ZNF274: variants seen among roughly 807,000 people sequenced by gnomAD.
The protein encoded by ZNF274 is zinc finger protein 274, also known as neurotrophin receptor-interacting factor homolog.
ZNF274 carries 23 observed loss-of-function variants against 42.5 expected under a neutral mutation model. The observed-to-expected ratio is 0.54, with a 90% CI of 0.39 to 0.77. The LOEUF (loss-of-function observed/expected upper bound fraction) is 0.77. Ranked by LOEUF, ZNF274 falls within the 30% of genes least tolerant of loss-of-function variation. The probability of loss-of-function intolerance (pLI) is 0.00; values close to 1 mark genes in which losing one functional copy is unlikely to be tolerated. For missense variants in ZNF274, 679 were observed against 806.5 expected (o/e 0.84, Z 1.91); for synonymous variants, 292 against 305.4 (o/e 0.96, Z 0.46).
Position 58,208,525 on chromosome 19 carries a change from C to T in ZNF274, c.739+1323C>T, listed in dbSNP as rs938336191. On this transcript the variant is annotated intron_variant, in intron 5 of 7. Coordinates refer to ENST00000617501, the MANE Select transcript of ZNF274 (RefSeq NM_133502.3). This position sits in a 1 kb window ranked among gnomAD's most constrained non-coding sequence, Gnocchi z 4.5. ...TGGATCTAACATAACCACAGGGGCCCTTAGGAGAGGGAGGCTGGAGGGTCA... is the reference window on the plus strand; with the variant it reads ...TGGATCTAACATAACCACAGGGGCCTTTAGGAGAGGGAGGCTGGAGGGTCA... 3.3e-5 allele frequency: 5 copies of T among 152,128 alleles called. No individual in the cohort carries two copies. Among genetic ancestry groups the T allele is most frequent in the Non-Finnish European group, 7.3e-5 (5 of 68,076 alleles). The allele number at this position is 152,128 out of a possible 1,614,324, so 9.4% of individuals were successfully genotyped here. A position where few individuals can be genotyped will look rare whatever the true frequency, so the allele number is the denominator to read the frequency against.
chr19:58,212,250 TC>T lies in ZNF274; in HGVS notation c.1071del (p.Ser358GlnfsTer10). ...EPAPSLKVQE[S>X]SRDCALSSTL... Reference sequence around the variant, plus strand: ...AGCCCCCAGCCTGAAAGTACAAGAATCCTCAAGGGATTGTGCCTTGTCCTCT... The same window carrying T: ...AGCCCCCAGCCTGAAAGTACAAGAATCTCAAGGGATTGTGCCTTGTCCTCT... On this transcript the variant is annotated frameshift_variant, in exon 8 of 8. Coordinates refer to ENST00000617501, the MANE Select transcript of ZNF274 (RefSeq NM_133502.3). LOFTEE classifies it low-confidence loss of function (END_TRUNC). The surrounding 1 kb of genome is among the most constrained non-coding windows in gnomAD (Gnocchi z 4.6). 6.2e-7 allele frequency: 1 copy of T among 1,613,860 alleles called. No individual in the cohort carries two copies. Among genetic ancestry groups the T allele is most frequent in the Middle Eastern group, 1.6e-4 (1 of 6,062 alleles).
rs2076005458 is a variant in ZNF274 at position 58,208,676 on chromosome 19, G to C, written c.740-1285G>C. 2 of 152,352 alleles carry C rather than the reference G, an allele frequency of 1.3e-5. No individual in the cohort carries two copies. Among genetic ancestry groups the C allele is most frequent in the South Asian group, 4.1e-4 (2 of 4,828 alleles). The allele number at this position is 152,352 out of a possible 1,614,324, so 9.4% of individuals were successfully genotyped here. On this transcript the variant is annotated intron_variant, in intron 5 of 7. Transcript: ENST00000617501. This position sits in a 1 kb window ranked among gnomAD's most constrained non-coding sequence, Gnocchi z 4.5. ...CCTTGGAGCCTCCAAAAGGAACATAGCCATGCTGACACCTTCATTTTAGCC... is the reference window on the plus strand; with the variant it reads ...CCTTGGAGCCTCCAAAAGGAACATACCCATGCTGACACCTTCATTTTAGCC...
In ZNF274 at chr19:58,183,128, G is replaced by A. The variant is rs919458083; in HGVS notation, c.-360G>A. 3 of 152,518 alleles carry A rather than the reference G, an allele frequency of 2.0e-5. No individual in the cohort carries two copies. The highest frequency in any genetic ancestry group is 2.9e-5 in the Non-Finnish European group (2 of 68,274). 9.4% of individuals were successfully genotyped at this position (152,518 alleles called of 1,614,324 possible). ...TTCTCCAGCTTCTGCTCTGCCCCAA[G>A]AGTGGTCGCCTTCGTGGCAGGGCAC... On this transcript the variant is annotated 5_prime_UTR_variant, in exon 1 of 8. Coordinates refer to ENST00000617501, the MANE Select transcript of ZNF274 (RefSeq NM_133502.3).
chr19:58,183,872 A>G (rs1428853919), intron 1 of ZNF274, 49 bp from the exon 2 acceptor site: 3 of 1,329,738 alleles, frequency 2.3e-6, no homozygotes, highest in African/African-American at 2.9e-5. Flanking sequence ...GTAGCTCCCC[A>G]GCGGACACCT....
At chr19:58,204,502 C>T (rs950911633) in intron 4 of ZNF274, among the ~76,000 whole-genome samples, 1 of 152,030 alleles carries the variant, frequency 6.6e-6, no homozygotes, top group Non-Finnish European at 1.5e-5. Context: ...ATGACGGACT[C>T]GGCGGGTGCG....
chr19:58,184,572 C>G (rs2075673817), intron 2 of ZNF274: 2 of 153,916 alleles, frequency 1.3e-5, no homozygotes, highest in Non-Finnish European at 2.9e-5. Flanking sequence ...CTCGGCCTCC[C>G]AAAGGTCTAT....
intron 4 of ZNF274, among the ~76,000 whole-genome samples, chr19:58,192,881 A>C (rs1284760146): frequency 3.3e-5 from 5 of 152,028 alleles, no homozygotes; most frequent in Non-Finnish European, 5.9e-5. Context: ...AGTAGCTTGG[A>C]CTACATGTGT....
At chr19:58,188,688 GTATATGTATATATATATATATA>G (rs1174203097) in intron 4 of ZNF274, among the ~76,000 whole-genome samples, 4 of 52,982 alleles carry the variant, frequency 7.5e-5, no homozygotes, top group Admixed American at 7.2e-4. Context: ...ATATATATAT[GTATATGTATATATATATATATA>G]TATATATATA....
At chr19:58,189,294 G>C (rs1263011380) in intron 4 of ZNF274, among the ~76,000 whole-genome samples, 1 of 152,064 alleles carries the variant, frequency 6.6e-6, no homozygotes, top group Admixed American at 6.6e-5. Context: ...ATCATATATA[G>C]GTAGATTATC....
chr19:58,202,937 C>G (rs2075930968), intron 4 of ZNF274, among the ~76,000 whole-genome samples: 1 of 151,830 alleles, frequency 6.6e-6, no homozygotes, highest in Admixed American at 6.6e-5. Flanking sequence ...TGTGGGGCCT[C>G]ATGGGTTAAT....
At chr19:58,203,694 CAGAA>C (rs1415095099) in intron 4 of ZNF274, among the ~76,000 whole-genome samples, 1 of 151,562 alleles carries the variant, frequency 6.6e-6, no homozygotes, top group South Asian at 2.1e-4. Flanking sequence ...TCCTAAGAAA[CAGAA>C]AGGGAATTAA....
chr19:58,185,633 T>G, intron 2 of ZNF274, 79 bp from the exon 3 acceptor site: 2 of 1,352,140 alleles, frequency 1.5e-6, no homozygotes, highest in Non-Finnish European at 1.9e-6. Context: ...GTGCTTTCAC[T>G]GGCCTGGTCA....
intron 4 of ZNF274, among the ~76,000 whole-genome samples, chr19:58,194,513 G>T (rs1321823770): frequency 6.6e-6 from 1 of 150,410 alleles, no homozygotes; most frequent in Non-Finnish European, 1.5e-5. Context: ...TGTGTAGCTG[G>T]GACTACAGGC....
Position 58,206,717 on chromosome 19 carries a change from C to G in ZNF274, c.257-3C>G. 2 of 1,562,834 alleles carry G rather than the reference C, an allele frequency of 1.3e-6. No homozygotes were observed. Among genetic ancestry groups the G allele is most frequent in the Non-Finnish European group, 1.7e-6 (2 of 1,153,408 alleles). ...TTTGTCTTGCTCTGCTTTTGACTTA[C>G]AGAGTATCCTGAGCTCCAGCTGGAC... is the stretch of plus-strand genomic sequence containing the variant. On this transcript the variant is annotated splice_region_variant and splice_polypyrimidine_tract_variant and intron_variant, in intron 4 of 7. Transcript: ENST00000617501.
At chr19:58,196,629 G>T (rs2075846055) in intron 4 of ZNF274, among the ~76,000 whole-genome samples, 1 of 152,194 alleles carries the variant, frequency 6.6e-6, no homozygotes, top group South Asian at 2.1e-4. Flanking sequence ...TAAGTTTGAT[G>T]AGGTGAGTGT....
intron 4 of ZNF274, among the ~76,000 whole-genome samples, chr19:58,204,490 C>T (rs1456670001): frequency 1.3e-5 from 2 of 151,962 alleles, no homozygotes; most frequent in Non-Finnish European, 2.9e-5. Context: ...CCTGAGTGCG[C>T]GATGACGGAC....
intron 4 of ZNF274, among the ~76,000 whole-genome samples, chr19:58,202,854 C>A (rs1271299953): frequency 6.6e-6 from 1 of 152,158 alleles, no homozygotes; most frequent in Admixed American, 6.5e-5. Context: ...TTTGTGGTCT[C>A]TCTGTTCACT....
Position 58,207,074 on chromosome 19 carries a change from T to C in ZNF274, c.611T>C (p.Leu204Pro). ...ARSKEQILEL[L>P]VLEQFLGALP... ...TCCAAGGAGCAGATCCTGGAGCTGC[T>C]GGTGCTGGAGCAGTTCCTAGGTGCA... Residue 204 changes from leucine (L) to proline (P), a missense_variant, in exon 5 of 8, where the codon CTG becomes CCG. Leu to Pro is a moderately conservative substitution (Grantham distance 98). Transcript: ENST00000617501. The surrounding 1 kb of genome is among the most constrained non-coding windows in gnomAD (Gnocchi z 5.6). The C allele has an allele frequency of 2.5e-6, 4 of 1,613,836 alleles. No homozygotes were observed. Among genetic ancestry groups the C allele is most frequent in the Non-Finnish European group, 3.4e-6 (4 of 1,179,930 alleles).
intron 4 of ZNF274, among the ~76,000 whole-genome samples, chr19:58,193,585 T>C (rs1255169324): frequency 6.7e-6 from 1 of 149,908 alleles, no homozygotes; most frequent in East Asian, 2.0e-4. Context: ...CCTGAGAAGC[T>C]GGGACTACAG....
Sources: gnomAD v4.1 joint callset for allele counts (sites outside exome capture counted in the v4.1 genomes callset) on GRCh38, gnomAD v4.1.1 for gene constraint, Gnocchi (gnomAD v3.1) non-coding constraint, MANE v1.5 for transcripts, NCBI Gene and HGNC (gene_info 2026-07-23, HGNC 2026-07-21) for gene names.